The following HS3ST4 variants were observed in gnomAD, a reference collection of about 807,000 sequenced individuals.
HS3ST4 encodes heparan sulfate glucosamine 3-O-sulfotransferase 4.
A neutral mutation model predicts 29.2 loss-of-function variants in HS3ST4; 17 were observed. The ratio of observed to expected loss-of-function variants is 0.58; its 90% CI spans 0.40 to 0.87. The LOEUF is 0.87. HS3ST4 is among the 40% of genes least tolerant of loss of function. The pLI, the probability that HS3ST4 is intolerant of heterozygous loss-of-function variation, is 0.00. For synonymous variants in HS3ST4, 314 were observed against 285.7 expected, an observed-to-expected ratio of 1.10 and a Z score of -1.00; for missense variants, 627 against 634.5, an observed-to-expected ratio of 0.99 and a Z score of 0.13.
intron 1 of HS3ST4, among the ~76,000 whole-genome samples, chr16:25,976,197 T>C (rs1968941753): frequency 6.6e-6 from 1 of 152,250 alleles, no homozygotes; most frequent in Admixed American, 6.5e-5. Context: ...ACTTTTTAAT[T>C]TGAATTTCTT....
At chr16:25,887,493 G>A (rs1967966015) in intron 1 of HS3ST4, among the ~76,000 whole-genome samples, 1 of 152,088 alleles carries the variant, frequency 6.6e-6, no homozygotes. Context: ...TTAATTTTCA[G>A]ATATTAATTA....
chr16:26,063,766 AT>A (rs1323627422), intron 1 of HS3ST4, among the ~76,000 whole-genome samples: 1 of 152,182 alleles, frequency 6.6e-6, no homozygotes, highest in Non-Finnish European at 1.5e-5. Flanking sequence ...GTTGGCAAGC[AT>A]GTTAAAGGGC....
chr16:25,755,721 C>T (rs1186185314), intron 1 of HS3ST4, among the ~76,000 whole-genome samples: 1 of 152,184 alleles, frequency 6.6e-6, no homozygotes, highest in Non-Finnish European at 1.5e-5. Flanking sequence ...AATTTGGCCA[C>T]ACTGCACCCA....
intron 1 of HS3ST4, among the ~76,000 whole-genome samples, chr16:25,817,607 T>A (rs1967106979): frequency 6.6e-6 from 1 of 152,218 alleles, no homozygotes; most frequent in African/African-American, 2.4e-5. Context: ...AGAGAAAGTA[T>A]AACGTGGCAG....
chr16:26,081,106 G>A (rs962631246), intron 1 of HS3ST4, among the ~76,000 whole-genome samples: 5 of 151,998 alleles, frequency 3.3e-5, no homozygotes, highest in African/African-American at 1.2e-4. Context: ...GGACAACATG[G>A]TGAGACCCCA....
chr16:26,101,887 A>G (rs765709673), intron 1 of HS3ST4, among the ~76,000 whole-genome samples: 2 of 152,068 alleles, frequency 1.3e-5, no homozygotes, highest in Non-Finnish European at 2.9e-5. Context: ...CTCTTTTCCA[A>G]TATCTTCTCT....
chr16:26,119,853 G>T (rs1024585819), intron 1 of HS3ST4, among the ~76,000 whole-genome samples: 1 of 152,246 alleles, frequency 6.6e-6, no homozygotes, highest in African/African-American at 2.4e-5. Flanking sequence ...GAGACAGGTG[G>T]ACTCTACGCA....
At chr16:25,962,116 C>T (rs1263726742) in intron 1 of HS3ST4, among the ~76,000 whole-genome samples, 1 of 152,124 alleles carries the variant, frequency 6.6e-6, no homozygotes, top group Admixed American at 6.5e-5. Context: ...CACCCAGTAG[C>T]CTCTTTAGAA....
intron 1 of HS3ST4, among the ~76,000 whole-genome samples, chr16:25,868,092 A>G (rs1295201309): frequency 1.3e-5 from 2 of 152,230 alleles, no homozygotes; most frequent in South Asian, 4.1e-4. Context: ...TCAGACGCAC[A>G]TGTGTTTGCT....
intron 1 of HS3ST4, among the ~76,000 whole-genome samples, chr16:25,922,897 C>T (rs564011268): frequency 4.6e-5 from 7 of 152,170 alleles, no homozygotes; most frequent in Admixed American, 6.5e-5. Flanking sequence ...TTGGGCTGTG[C>T]GTCTCAGCCT....
chr16:25,776,895 G>A (rs1314196478), intron 1 of HS3ST4, among the ~76,000 whole-genome samples: 1 of 152,142 alleles, frequency 6.6e-6, no homozygotes, highest in Non-Finnish European at 1.5e-5. Context: ...TGCTGACTAA[G>A]TCATGTTTGT....
intron 1 of HS3ST4, among the ~76,000 whole-genome samples, chr16:25,896,805 T>C (rs986495094): frequency 6.6e-6 from 1 of 152,152 alleles, no homozygotes; most frequent in Admixed American, 6.5e-5. Context: ...CACCATAGAA[T>C]ACTACACAGC....
chr16:26,008,146 T>A (rs1422728330), intron 1 of HS3ST4, among the ~76,000 whole-genome samples: 1 of 152,182 alleles, frequency 6.6e-6, no homozygotes, highest in East Asian at 1.9e-4. Context: ...CACAGGAATC[T>A]TCAAAAGAGA....
Position 26,119,983 on chromosome 16 carries a change from G to C in HS3ST4, c.735-15629G>C, listed in dbSNP as rs75541954. ...GGGTTCTTGGGGTGGGGGATTGCTA[G>C]ATGAGGAGGTGAAGTTTGCACTGAG... On this transcript the variant is annotated intron_variant, in intron 1 of 1. Coordinates refer to ENST00000331351, the MANE Select transcript of HS3ST4 (RefSeq NM_006040.3). Among the ~76,000 whole-genome samples the C allele has an allele frequency of 2.2e-4, 34 of 152,196 alleles. No homozygotes were observed. The East Asian group carries it at 6.2e-3, about 28-fold the overall frequency.
At chr16:26,130,207 G>A (rs1049389248) in intron 1 of HS3ST4, among the ~76,000 whole-genome samples, 6 of 152,124 alleles carry the variant, frequency 3.9e-5, no homozygotes, top group African/African-American at 4.8e-5. Flanking sequence ...CTGATGTCAC[G>A]GCTGCTCTGA....
chr16:26,091,050 C>G (rs1249583780), intron 1 of HS3ST4, among the ~76,000 whole-genome samples: 2 of 152,116 alleles, frequency 1.3e-5, no homozygotes, highest in Admixed American at 6.5e-5. Flanking sequence ...ATTTATATAA[C>G]CCTGTTAAGT....
At chr16:25,804,540 A>G (rs1163377791) in intron 1 of HS3ST4, among the ~76,000 whole-genome samples, 3 of 152,220 alleles carry the variant, frequency 2.0e-5, no homozygotes, top group African/African-American at 4.8e-5. Flanking sequence ...GAGAGTGGAA[A>G]GCAGATGGTA....
intron 1 of HS3ST4, among the ~76,000 whole-genome samples, chr16:26,127,341 G>C (rs1035708364): frequency 6.6e-6 from 1 of 152,162 alleles, no homozygotes; most frequent in Admixed American, 6.5e-5. Flanking sequence ...AGTCAGTCAC[G>C]ATGGCTCACG....
intron 1 of HS3ST4, among the ~76,000 whole-genome samples, chr16:25,957,162 G>A (rs1968743638): frequency 6.6e-6 from 1 of 152,088 alleles, no homozygotes; most frequent in Admixed American, 6.5e-5. Context: ...TGCGGTCAGG[G>A]CTGGCCACAG....
Sources: allele counts gnomAD v4.1 joint callset (sites outside exome capture counted in the v4.1 genomes callset), GRCh38; gene constraint gnomAD v4.1.1; transcripts MANE v1.5; gene names NCBI Gene and HGNC (gene_info 2026-07-23, HGNC 2026-07-21).